Variants in HDAC8 observed in about 807,000 individuals in gnomAD.
HDAC8 encodes the protein histone deacetylase-like 1.
A neutral mutation model predicts 32.2 loss-of-function variants in HDAC8; 1 was observed. The ratio of observed to expected loss-of-function variants is 0.03; its 90% CI spans 0.01 to 0.15. HDAC8 has a LOEUF of 0.15. HDAC8 is among the 10% of genes least tolerant of loss of function. The probability of loss-of-function intolerance (pLI) is 1.00; values close to 1 mark genes in which losing one functional copy is unlikely to be tolerated. For synonymous variants in HDAC8, 108 were observed against 113.9 expected (o/e 0.95, Z 0.33); for missense variants, 117 against 300.0 (o/e 0.39, Z 4.51).
chrX:72,401,540 T>C (rs1347226355), intron 9 of HDAC8, among the ~76,000 whole-genome samples: 1 of 112,364 alleles, frequency 8.9e-6, no homozygotes, highest in African/African-American at 3.2e-5. Context: ...CACTTGTTAT[T>C]ATCTGTCATT....
At chrX:72,496,783 G>GA (rs201655109) in intron 4 of HDAC8, among the ~76,000 whole-genome samples, 1 of 72,707 alleles carries the variant, frequency 1.4e-5, no homozygotes, top group Non-Finnish European at 2.7e-5. Context: ...CATAAACACA[G>GA]AAAAAAAAAA....
chrX:72,417,856 G>A (rs782114824), intron 9 of HDAC8, among the ~76,000 whole-genome samples: 1 of 111,556 alleles, frequency 9.0e-6, no homozygotes, highest in South Asian at 3.7e-4. Flanking sequence ...GCATGGTACT[G>A]GTATAAAAAC....
At chrX:72,535,394 C>T (rs1324390882) in intron 4 of HDAC8, among the ~76,000 whole-genome samples, 4 of 111,005 alleles carry the variant, frequency 3.6e-5, no homozygotes, top group Non-Finnish European at 7.5e-5. Context: ...CTTTTTGTAT[C>T]TCTTGCCCAT....
chrX:72,372,733 G>A (rs956795063), intron 9 of HDAC8, among the ~76,000 whole-genome samples: 1 of 111,607 alleles, frequency 9.0e-6, no homozygotes, highest in Non-Finnish European at 1.9e-5. Context: ...TTTGCTAGCT[G>A]TATAATTTGG....
At chrX:72,515,180 C>T (rs2049750637) in intron 4 of HDAC8, among the ~76,000 whole-genome samples, 1 of 110,914 alleles carries the variant, frequency 9.0e-6, no homozygotes, top group African/African-American at 3.3e-5. Flanking sequence ...ACTGTATCCC[C>T]TGACCAACAT....
In HDAC8 at chrX:72,329,890, C is replaced by A; in HGVS notation, c.*164G>T. On this transcript the variant is annotated 3_prime_UTR_variant, in exon 11 of 11. Transcript: ENST00000373573. Reference sequence around the variant, plus strand: ...GACTCTGGGGTGCCTGCCTCTTCACCCCAGGAAGCCAGCTGCCACTTGATG... The same window carrying A: ...GACTCTGGGGTGCCTGCCTCTTCACACCAGGAAGCCAGCTGCCACTTGATG... The A allele has an allele frequency of 1.3e-6, 1 of 795,099 alleles. No individual in the cohort carries two copies. The highest frequency in any genetic ancestry group is 1.8e-6 in the Non-Finnish European group (1 of 548,008). The allele number at this position is 795,099 out of a possible 1,213,427, so 65.5% of individuals were successfully genotyped here.
chrX:72,361,283 T>C (rs1362515883), intron 9 of HDAC8, among the ~76,000 whole-genome samples: 2 of 111,784 alleles, frequency 1.8e-5, no homozygotes, highest in African/African-American at 6.5e-5. Context: ...AATGGTTTTA[T>C]TTTTCAGATA....
At chrX:72,373,806 C>T (rs2044960929) in intron 9 of HDAC8, among the ~76,000 whole-genome samples, 1 of 112,177 alleles carries the variant, frequency 8.9e-6, no homozygotes, top group Non-Finnish European at 1.9e-5. Flanking sequence ...TTTGATATTT[C>T]CACCAGCAAT....
chrX:72,400,414 C>T (rs1555967026), intron 9 of HDAC8, among the ~76,000 whole-genome samples: 1 of 111,854 alleles, frequency 8.9e-6, no homozygotes. Flanking sequence ...TGAAACTGCA[C>T]CTCCCACAGC....
intron 9 of HDAC8, among the ~76,000 whole-genome samples, chrX:72,459,735 G>C (rs1555991025): frequency 9.0e-6 from 1 of 111,037 alleles, no homozygotes; most frequent in African/African-American, 3.3e-5. Flanking sequence ...CTTGAGGTAG[G>C]GGATGAATTT....
chrX:72,507,187 A>G lies in HDAC8; in HGVS notation c.438-11919T>C, dbSNP rs2049421843. On this transcript the variant is annotated intron_variant, in intron 4 of 10. Transcript: ENST00000373573. ...TCATTATTGCCATCCCTCTTTTAAT[A>G]TGCCTAATTTCCAGGACCCTAAAAC... is the stretch of plus-strand genomic sequence containing the variant. Among the ~76,000 whole-genome samples the G allele has an allele frequency of 3.6e-5, 4 of 110,299 alleles. No homozygotes were observed. The South Asian group carries it at 1.6e-3, about 43-fold the overall frequency.
At chrX:72,477,694 A>G (rs948257887) in intron 7 of HDAC8, among the ~76,000 whole-genome samples, 32 of 112,696 alleles carry the variant, frequency 2.8e-4, no homozygotes, top group Non-Finnish European at 1.3e-4. Flanking sequence ...TTTTTGTGGG[A>G]CTTAAAAAGA....
intron 7 of HDAC8, among the ~76,000 whole-genome samples, chrX:72,485,327 T>C (rs1265881655): frequency 8.9e-6 from 1 of 111,749 alleles, no homozygotes; most frequent in African/African-American, 3.3e-5. Context: ...TAGGGAGATC[T>C]CACTGTGAAA....
chrX:72,476,379 G>C (rs782000682), intron 7 of HDAC8, among the ~76,000 whole-genome samples: 1 of 110,838 alleles, frequency 9.0e-6, no homozygotes, highest in South Asian at 3.9e-4. Context: ...AACAAAAAAT[G>C]GAAGAAGACC....
intron 4 of HDAC8, among the ~76,000 whole-genome samples, chrX:72,515,245 T>G (rs1333961073): frequency 9.0e-6 from 1 of 111,331 alleles, no homozygotes; most frequent in African/African-American, 3.3e-5. Context: ...TCTCTGTTTT[T>G]GAGTCTGACC....
At chrX:72,344,151 A>G (rs1254532344) in intron 10 of HDAC8, among the ~76,000 whole-genome samples, 1 of 111,105 alleles carries the variant, frequency 9.0e-6, no homozygotes, top group Non-Finnish European at 1.9e-5. Context: ...GGGAACCTAG[A>G]CTTTTACTCC....
intron 10 of HDAC8, among the ~76,000 whole-genome samples, chrX:72,338,642 T>TATAC (rs1427559704): frequency 2.1e-5 from 2 of 94,888 alleles, no homozygotes; most frequent in African/African-American, 7.6e-5. Context: ...GTCACCTTGA[T>TATAC]ATATATATAT....
rs782491873 is a variant in HDAC8, at chrX:72,504,341, C to A, written c.438-9073G>T. Among the ~76,000 whole-genome samples the A allele has an allele frequency of 3.5e-4, 39 of 112,004 alleles. 1 individual carries two copies. Among genetic ancestry groups the A allele is most frequent in the African/African-American group, 1.2e-3 (36 of 30,858 alleles). ...ATTCACTTCTTACACTCTCATCCGC[C>A]TTCCAGCCTCTGACAACCAGTAATC... On this transcript the variant is annotated intron_variant, in intron 4 of 10. Transcript: ENST00000373573.
At chrX:72,572,193 C>A in intron 1 of HDAC8, 84 bp from the exon 2 acceptor site, 1 of 922,441 alleles carries the variant, frequency 1.1e-6, no homozygotes, top group Non-Finnish European at 1.5e-6. Flanking sequence ...CCGTCAATCT[C>A]ACCATCCTGA....
Sources: gnomAD v4.1 joint callset for allele counts (sites outside exome capture counted in the v4.1 genomes callset) on GRCh38, gnomAD v4.1.1 for gene constraint, MANE v1.5 for transcripts, NCBI Gene and HGNC (gene_info 2026-07-23, HGNC 2026-07-21) for gene names.